Variants in TENM1 observed in about 807,000 individuals in gnomAD.
TENM1 encodes the protein teneurin-1.
Under a neutral mutation model 174.8 loss-of-function variants are expected in TENM1, and 35 were observed. That is an observed-to-expected ratio of 0.20 (90% CI 0.15 to 0.27). The LOEUF is 0.27. TENM1 is among the 10% of genes least tolerant of loss of function. The pLI is 1.00. For missense variants in TENM1, 1,633 were observed against 2,130.1 expected, an observed-to-expected ratio of 0.77 and a Z score of 4.59; for synonymous variants, 781 against 798.7, an observed-to-expected ratio of 0.98 and a Z score of 0.37.
chrX:124,604,809 C>T (rs2050112506), intron 11 of TENM1, among the ~76,000 whole-genome samples: 1 of 110,638 alleles, frequency 9.0e-6, no homozygotes, highest in East Asian at 2.9e-4. Flanking sequence ...ATCCTAGATC[C>T]AGTAGCTGTG....
At chrX:124,564,086 C>A (rs1224010731) in intron 12 of TENM1, among the ~76,000 whole-genome samples, 1 of 112,154 alleles carries the variant, frequency 8.9e-6, no homozygotes, top group Non-Finnish European at 1.9e-5. Flanking sequence ...CTGGCTTCAA[C>A]TTCTTATTAG....
chrX:124,743,763 C>G (rs2053854358), intron 3 of TENM1, among the ~76,000 whole-genome samples: 1 of 111,620 alleles, frequency 9.0e-6, no homozygotes, highest in South Asian at 3.7e-4. Context: ...GTTACAATCA[C>G]TGGAAATGAA....
chrX:124,754,145 A>G (rs1356123620), intron 3 of TENM1, among the ~76,000 whole-genome samples: 4 of 111,366 alleles, frequency 3.6e-5, no homozygotes, highest in Non-Finnish European at 7.5e-5. Context: ...TAAGCTATTG[A>G]TTATTGCCAC....
chrX:124,558,349 T>C (rs180821137), intron 14 of TENM1, among the ~76,000 whole-genome samples: 3 of 111,689 alleles, frequency 2.7e-5, no homozygotes, highest in African/African-American at 9.8e-5. Context: ...AGTTATAATA[T>C]GGAGTAATCA....
At chrX:124,491,486 G>T (rs908653541) in intron 20 of TENM1, among the ~76,000 whole-genome samples, 2 of 111,217 alleles carry the variant, frequency 1.8e-5, no homozygotes, top group Non-Finnish European at 3.8e-5. Context: ...AAGTCGCAGA[G>T]GTTTAATTGT....
intron 3 of TENM1, among the ~76,000 whole-genome samples, chrX:124,880,163 A>T (rs891751096): frequency 3.6e-5 from 4 of 111,933 alleles, no homozygotes; most frequent in African/African-American, 1.3e-4. Flanking sequence ...ATTCATGAGC[A>T]TCGGATGTCT....
chrX:124,983,818 C>T, the TENM1 span, among the ~76,000 whole-genome samples: 2 of 110,299 alleles, frequency 1.8e-5, no homozygotes, highest in African/African-American at 6.6e-5. Flanking sequence ...GACGGGGTTT[C>T]GCTATGTTGG....
At chrX:124,598,783 G>A (rs2049964363) in intron 11 of TENM1, among the ~76,000 whole-genome samples, 1 of 111,272 alleles carries the variant, frequency 9.0e-6, no homozygotes, top group African/African-American at 3.3e-5. Context: ...GGAGGGAGAT[G>A]GGGATGGTTA....
At chrX:125,196,904 C>A in the TENM1 span, among the ~76,000 whole-genome samples, 1 of 111,452 alleles carries the variant, frequency 9.0e-6, no homozygotes, top group South Asian at 3.7e-4. Context: ...TTTCTCTGAA[C>A]AACTGAAGAG....
intron 3 of TENM1, among the ~76,000 whole-genome samples, chrX:124,866,777 C>T (rs781086376): frequency 2.0e-4 from 22 of 110,509 alleles, no homozygotes; most frequent in African/African-American, 5.9e-4. Flanking sequence ...AAAAGAGAGA[C>T]GATCCAAATA....
chrX:124,787,787 G>T (rs762791149), intron 3 of TENM1, among the ~76,000 whole-genome samples: 1 of 112,564 alleles, frequency 8.9e-6, no homozygotes, highest in African/African-American at 3.2e-5. Context: ...GCTTAAGAAT[G>T]CTAGAGAACA....
intron 15 of TENM1, among the ~76,000 whole-genome samples, chrX:124,542,082 T>C (rs746810706): frequency 5.4e-4 from 61 of 112,331 alleles, no homozygotes; most frequent in Admixed American, 4.7e-4. Context: ...GTCCAGCTGT[T>C]CCAGCCCCCA....
At chrX:124,518,549 CAGT>C (rs1462277580) in intron 18 of TENM1, among the ~76,000 whole-genome samples, 1 of 111,066 alleles carries the variant, frequency 9.0e-6, no homozygotes, top group Non-Finnish European at 1.9e-5. Context: ...TATGTGATCA[CAGT>C]ACCCTGGCCA....
intron 4 of TENM1, among the ~76,000 whole-genome samples, chrX:124,714,058 G>A (rs865830488): frequency 2.1e-4 from 23 of 111,790 alleles, no homozygotes; most frequent in Admixed American, 4.7e-4. Context: ...TCCACTTACT[G>A]AACATCTATT....
At chrX:124,786,947 ACT>A (rs962135544) in intron 3 of TENM1, among the ~76,000 whole-genome samples, 3 of 111,756 alleles carry the variant, frequency 2.7e-5, no homozygotes, top group Admixed American at 9.5e-5. Context: ...AAATAATGTA[ACT>A]CAATATAAAT....
intron 5 of TENM1, among the ~76,000 whole-genome samples, chrX:124,702,835 T>C (rs2052807162): frequency 9.0e-6 from 1 of 111,539 alleles, no homozygotes; most frequent in Non-Finnish European, 1.9e-5. Flanking sequence ...TTAAGGATTG[T>C]TGTGAGAATT....
At chrX:125,154,596 T>C in the TENM1 span, among the ~76,000 whole-genome samples, 1 of 111,827 alleles carries the variant, frequency 8.9e-6, no homozygotes, top group African/African-American at 3.3e-5. Context: ...TTAATGGACG[T>C]AGTGTGTCCG....
chrX:124,582,608 A>G (rs147969445), intron 11 of TENM1, among the ~76,000 whole-genome samples: 1,255 of 112,135 alleles, frequency 0.011, 21 homozygotes, highest in African/African-American at 0.038. Flanking sequence ...CGTGAGCGAC[A>G]CAGAAGATGG....
chrX:124,692,968 AT>A (rs1220602338), intron 5 of TENM1, among the ~76,000 whole-genome samples: 1 of 95,578 alleles, frequency 1.0e-5, no homozygotes, highest in Non-Finnish European at 2.0e-5. Flanking sequence ...AGATCATGCC[AT>A]TGCACTCCAG....
Sources: allele counts gnomAD v4.1 joint callset (sites outside exome capture counted in the v4.1 genomes callset), GRCh38; gene constraint gnomAD v4.1.1; transcripts MANE v1.5; gene names NCBI Gene and HGNC (gene_info 2026-07-23, HGNC 2026-07-21).